Variants in CCDC178 observed in about 807,000 individuals in gnomAD.
The protein encoded by CCDC178 is coiled-coil domain containing 178.
A neutral mutation model predicts 117.4 loss-of-function variants in CCDC178; 126 were observed. The observed-to-expected ratio is 1.07, with a 90% CI of 0.93 to 1.24. The LOEUF (loss-of-function observed/expected upper bound fraction) is 1.24. Among genes scored for constraint, CCDC178 ranks in the 50% most tolerant of loss-of-function variants. The pLI, the probability that CCDC178 is intolerant of heterozygous loss-of-function variation, is 0.00. For missense variants in CCDC178, 1,030 were observed against 986.9 expected (o/e 1.04, Z -0.59); for synonymous variants, 283 against 313.4 (o/e 0.90, Z 1.02).
chr18:33,062,533 A>G (rs1024465505), intron 21 of CCDC178, among the ~76,000 whole-genome samples: 1 of 152,234 alleles, frequency 6.6e-6, no homozygotes, highest in Admixed American at 6.5e-5. Flanking sequence ...GAATTGACTC[A>G]GAGCCAGGAG....
intron 21 of CCDC178, among the ~76,000 whole-genome samples, chr18:33,048,382 T>C (rs2056684537): frequency 6.6e-6 from 1 of 152,210 alleles, no homozygotes; most frequent in East Asian, 1.9e-4. Context: ...TTGTGATAAC[T>C]ATATTGTATT....
chr18:33,352,542 C>T (rs2062992014), intron 7 of CCDC178, among the ~76,000 whole-genome samples: 1 of 152,020 alleles, frequency 6.6e-6, no homozygotes, highest in Non-Finnish European at 1.5e-5. Context: ...TAAATGTAAG[C>T]ATTTATAGCT....
intron 2 of CCDC178, among the ~76,000 whole-genome samples, chr18:33,434,741 G>A (rs2064266245): frequency 6.6e-6 from 1 of 152,162 alleles, no homozygotes; most frequent in Admixed American, 6.5e-5. Flanking sequence ...TGCACTTCAG[G>A]AGGGGTGTAT....
chr18:33,275,448 G>C (rs2059936800), intron 12 of CCDC178, among the ~76,000 whole-genome samples: 1 of 151,360 alleles, frequency 6.6e-6, no homozygotes, highest in African/African-American at 2.4e-5. Context: ...TTTTCAATCT[G>C]AATTTATTTA....
intron 14 of CCDC178, among the ~76,000 whole-genome samples, chr18:33,254,711 A>C (rs983178248): frequency 6.6e-6 from 1 of 152,060 alleles, no homozygotes; most frequent in Non-Finnish European, 1.5e-5. Context: ...CTGAAGAAGA[A>C]GACGAAGAGA....
At chr18:33,185,033 T>C (rs1483393554) in intron 20 of CCDC178, among the ~76,000 whole-genome samples, 1 of 152,038 alleles carries the variant, frequency 6.6e-6, no homozygotes, top group Non-Finnish European at 1.5e-5. Flanking sequence ...GCTTTTTTTT[T>C]CTGAAAGTAT....
intron 20 of CCDC178, among the ~76,000 whole-genome samples, chr18:33,167,927 C>T (rs777609223): frequency 6.6e-6 from 1 of 151,624 alleles, no homozygotes; most frequent in African/African-American, 2.4e-5. Context: ...ATGTACTTTG[C>T]CAACATTTAA....
At chr18:33,410,213 T>G (rs995225010) in intron 3 of CCDC178, among the ~76,000 whole-genome samples, 1 of 152,186 alleles carries the variant, frequency 6.6e-6, no homozygotes, top group Admixed American at 6.5e-5. Flanking sequence ...AAACTATTAG[T>G]CTTTTTAATT....
chr18:33,120,112 C>A (rs559999332), intron 20 of CCDC178, among the ~76,000 whole-genome samples: 26 of 151,942 alleles, frequency 1.7e-4, no homozygotes, highest in African/African-American at 6.3e-4. Context: ...TGCAGCCCAC[C>A]AACATGGCAC....
chr18:33,058,207 T>C (rs1293875953), intron 21 of CCDC178, among the ~76,000 whole-genome samples: 1 of 152,236 alleles, frequency 6.6e-6, no homozygotes, highest in Non-Finnish European at 1.5e-5. Context: ...TGAATGTTGA[T>C]ATCAGCATTA....
chr18:33,092,958 C>T (rs749714995), intron 20 of CCDC178, 48 bp from the exon 21 acceptor site: 34 of 1,130,914 alleles, frequency 3.0e-5, no homozygotes, highest in Admixed American at 1.7e-4. Flanking sequence ...TATATATAAA[C>T]GCAATTAAAA....
intron 9 of CCDC178, among the ~76,000 whole-genome samples, chr18:33,336,532 G>A (rs772861105): frequency 3.3e-5 from 5 of 152,016 alleles, no homozygotes; most frequent in Non-Finnish European, 7.4e-5. Flanking sequence ...TCTGACAATT[G>A]AAATTATAAC....
intron 20 of CCDC178, among the ~76,000 whole-genome samples, chr18:33,124,331 G>A (rs921489500): frequency 4.6e-5 from 7 of 152,174 alleles, no homozygotes; most frequent in Admixed American, 6.6e-5. Flanking sequence ...TCTCATGGCT[G>A]CTGGTGAACC....
chr18:33,078,878 C>T (rs1485335212), intron 21 of CCDC178, among the ~76,000 whole-genome samples: 1 of 152,140 alleles, frequency 6.6e-6, no homozygotes, highest in African/African-American at 2.4e-5. Flanking sequence ...AGATTCAATG[C>T]TATTCCTATG....
intron 21 of CCDC178, among the ~76,000 whole-genome samples, chr18:33,018,482 A>T (rs1440443022): frequency 6.6e-6 from 1 of 152,122 alleles, no homozygotes; most frequent in Non-Finnish European, 1.5e-5. Flanking sequence ...AAGTAGAAAC[A>T]ACCCAAATGC....
At chr18:33,040,972 A>G (rs935573059) in intron 21 of CCDC178, among the ~76,000 whole-genome samples, 1 of 151,996 alleles carries the variant, frequency 6.6e-6, no homozygotes, top group African/African-American at 2.4e-5. Context: ...TTGTGTTGGA[A>G]GAGTTAAAAT....
intron 21 of CCDC178, among the ~76,000 whole-genome samples, chr18:33,046,780 T>G (rs961773468): frequency 1.3e-5 from 2 of 152,132 alleles, no homozygotes; most frequent in East Asian, 3.9e-4. Flanking sequence ...GAATAGGACC[T>G]GATGTGAACC....
intron 11 of CCDC178, among the ~76,000 whole-genome samples, chr18:33,302,954 T>C (rs1450741175): frequency 6.6e-6 from 1 of 152,150 alleles, no homozygotes; most frequent in Non-Finnish European, 1.5e-5. Context: ...TGTACCAATA[T>C]AGAATGACTA....
intron 12 of CCDC178, among the ~76,000 whole-genome samples, chr18:33,288,917 T>C (rs1430404555): frequency 6.6e-6 from 1 of 152,144 alleles, no homozygotes; most frequent in East Asian, 1.9e-4. Context: ...GGTTAGAGTA[T>C]AGAGTCAGAG....
Sources: gnomAD v4.1 joint callset for allele counts (sites outside exome capture counted in the v4.1 genomes callset) on GRCh38, gnomAD v4.1.1 for gene constraint, MANE v1.5 for transcripts, NCBI Gene and HGNC (gene_info 2026-07-23, HGNC 2026-07-21) for gene names.